Variants in COMMD1 observed in about 807,000 individuals in gnomAD.
COMMD1 encodes COMM domain-containing protein 1.
A neutral mutation model predicts 17.2 loss-of-function variants in COMMD1; 10 were observed. The ratio of observed to expected loss-of-function variants is 0.58; its 90% CI spans 0.36 to 0.99. COMMD1 has a LOEUF of 0.99. Ranked by LOEUF, COMMD1 falls within the 50% of genes least tolerant of loss-of-function variation. The probability of loss-of-function intolerance (pLI) is 0.01; values close to 1 mark genes in which losing one functional copy is unlikely to be tolerated. For missense variants in COMMD1, 270 were observed against 231.8 expected (o/e 1.17, Z -1.07); for synonymous variants, 97 against 91.6 (o/e 1.06, Z -0.34).
chr2:62,097,918 G>T (rs1672056014), intron 2 of COMMD1, among the ~76,000 whole-genome samples: 1 of 152,170 alleles, frequency 6.6e-6, no homozygotes, highest in Non-Finnish European at 1.5e-5. Context: ...TCCCTATTCT[G>T]GTTTTTGAGT....
At chr2:62,088,479 A>T (rs1302434492) in intron 2 of COMMD1, among the ~76,000 whole-genome samples, 2 of 152,218 alleles carry the variant, frequency 1.3e-5, no homozygotes, top group Non-Finnish European at 2.9e-5. Context: ...TTGCGATCAA[A>T]CTTATAATCC....
At chr2:62,096,181 G>C (rs1672005048) in intron 2 of COMMD1, among the ~76,000 whole-genome samples, 1 of 152,028 alleles carries the variant, frequency 6.6e-6, no homozygotes, top group Non-Finnish European at 1.5e-5. Flanking sequence ...CATTAGGTAG[G>C]AATGCTGCAC....
chr2:62,117,521 G>A (rs759456598), intron 2 of COMMD1, among the ~76,000 whole-genome samples: 1 of 152,188 alleles, frequency 6.6e-6, no homozygotes, highest in East Asian at 1.9e-4. Flanking sequence ...TTTAAAACCA[G>A]CTCTGCTACT....
At chr2:61,897,117 A>T (rs1669565946) in intron 1 of COMMD1, among the ~76,000 whole-genome samples, 1 of 152,174 alleles carries the variant, frequency 6.6e-6, no homozygotes, top group Non-Finnish European at 1.5e-5. Flanking sequence ...GGCGTGAGCC[A>T]CTGTGCCCAC....
At chr2:62,005,177 A>G (rs1203824104) in intron 2 of COMMD1, among the ~76,000 whole-genome samples, 5 of 152,252 alleles carry the variant, frequency 3.3e-5, no homozygotes, top group African/African-American at 7.2e-5. Context: ...TTCAGTATCC[A>G]GGGTTGAGAA....
intron 2 of COMMD1, among the ~76,000 whole-genome samples, chr2:62,107,657 C>A (rs952663305): frequency 6.6e-6 from 1 of 152,174 alleles, no homozygotes; most frequent in Non-Finnish European, 1.5e-5. Flanking sequence ...TCTTAGAGAT[C>A]ATTTAATTTT....
chr2:61,913,385 AAG>A (rs1467745969), intron 1 of COMMD1, among the ~76,000 whole-genome samples: 1 of 149,296 alleles, frequency 6.7e-6, no homozygotes, highest in Non-Finnish European at 1.5e-5. Context: ...AAAAAAAAAA[AAG>A]AGAAAAGTGG....
chr2:62,042,055 G>T (rs568771251), intron 2 of COMMD1, among the ~76,000 whole-genome samples: 1 of 152,190 alleles, frequency 6.6e-6, no homozygotes, highest in African/African-American at 2.4e-5. Context: ...ATTTTACAGA[G>T]AGCTGATTGG....
At chr2:62,045,848 T>G (rs1225440310) in intron 2 of COMMD1, among the ~76,000 whole-genome samples, 1 of 148,208 alleles carries the variant, frequency 6.7e-6, no homozygotes, top group African/African-American at 2.5e-5. Flanking sequence ...GCAATTCTCC[T>G]GCCTCAGCCT....
chr2:62,128,560 G>A (rs140982594), intron 2 of COMMD1, among the ~76,000 whole-genome samples: 4 of 152,210 alleles, frequency 2.6e-5, no homozygotes, highest in African/African-American at 9.6e-5. Flanking sequence ...AGTTGTTGAT[G>A]TTGTTGTTCT....
At chr2:62,073,835 A>G (rs1174791166) in intron 2 of COMMD1, among the ~76,000 whole-genome samples, 4 of 152,144 alleles carry the variant, frequency 2.6e-5, no homozygotes, top group African/African-American at 9.7e-5. Context: ...AGTAGCTGGC[A>G]TCACAGGTGC....
At chr2:61,994,217 C>A (rs972564636) in intron 1 of COMMD1, among the ~76,000 whole-genome samples, 1 of 152,136 alleles carries the variant, frequency 6.6e-6, no homozygotes, top group Admixed American at 6.5e-5. Context: ...GAACTCCTGA[C>A]CTCAGATGAC....
At position 62,041,074 on chromosome 2, in the gene COMMD1, C is replaced by T. The variant is rs186831286; in HGVS notation, c.462+40092C>T. ...GCTGTACTCTACCCCCAGAACATTACGAGGATCTTATCAGTCCATGCCACC... is the reference window on the plus strand; with the variant it reads ...GCTGTACTCTACCCCCAGAACATTATGAGGATCTTATCAGTCCATGCCACC... On this transcript the variant is annotated intron_variant, in intron 2 of 2. Coordinates refer to ENST00000311832, the MANE Select transcript of COMMD1 (RefSeq NM_152516.4). 1.8e-4 allele frequency among the ~76,000 whole-genome samples: 27 copies of T among 152,288 alleles called. No homozygotes were observed. The East Asian group carries it at 4.2e-3, about 24-fold the overall frequency.
chr2:61,980,523 G>A (rs1181289177), intron 1 of COMMD1, among the ~76,000 whole-genome samples: 1 of 129,476 alleles, frequency 7.7e-6, no homozygotes, highest in Non-Finnish European at 1.6e-5. Context: ...TTCTTCATGT[G>A]TTTTTTAGCT....
chr2:62,094,639 A>G (rs1193960363), intron 2 of COMMD1, among the ~76,000 whole-genome samples: 3 of 152,220 alleles, frequency 2.0e-5, no homozygotes, highest in African/African-American at 4.8e-5. Context: ...TAAATTGTGC[A>G]CTATTACCTT....
intron 2 of COMMD1, among the ~76,000 whole-genome samples, chr2:62,026,765 A>G (rs967274232): frequency 2.8e-4 from 42 of 152,198 alleles, no homozygotes; most frequent in African/African-American, 9.6e-4. Context: ...ATGTCTCCCC[A>G]CCATTATGAT....
chr2:61,925,392 G>A (rs1459822354), intron 1 of COMMD1, among the ~76,000 whole-genome samples: 1 of 151,968 alleles, frequency 6.6e-6, no homozygotes, highest in East Asian at 1.9e-4. Context: ...TTTATATTGG[G>A]GAGGGGAGTT....
chr2:62,013,882 G>A (rs142962088), intron 2 of COMMD1, among the ~76,000 whole-genome samples: 2 of 152,166 alleles, frequency 1.3e-5, no homozygotes, highest in Non-Finnish European at 1.5e-5. Flanking sequence ...AAATATGAAA[G>A]AAATCATTTA....
At chr2:62,036,059 C>G (rs1344417259) in intron 2 of COMMD1, among the ~76,000 whole-genome samples, 1 of 116,430 alleles carries the variant, frequency 8.6e-6, no homozygotes, top group Non-Finnish European at 1.6e-5. Context: ...GTCTCTCACA[C>G]ACACACACAC....
Sources: allele counts gnomAD v4.1 joint callset (sites outside exome capture counted in the v4.1 genomes callset), GRCh38; gene constraint gnomAD v4.1.1; transcripts MANE v1.5; gene names NCBI Gene and HGNC (gene_info 2026-07-23, HGNC 2026-07-21).